TRPM6: variants seen among roughly 807,000 people sequenced by gnomAD.
TRPM6 encodes channel kinase 2.
A neutral mutation model predicts 247.6 loss-of-function variants in TRPM6; 111 were observed. That is an observed-to-expected ratio of 0.45 (90% CI 0.38 to 0.52). The LOEUF is 0.52. Ranked by LOEUF, TRPM6 falls within the 20% of genes least tolerant of loss-of-function variation. The pLI, the probability that TRPM6 is intolerant of heterozygous loss-of-function variation, is 0.00. For synonymous variants in TRPM6, 892 were observed against 853.8 expected (o/e 1.04, Z -0.78); for missense variants, 2,126 against 2,421.5 (o/e 0.88, Z 2.56).
intron 13 of TRPM6, among the ~76,000 whole-genome samples, chr9:74,809,364 G>A (rs1018115421): frequency 6.6e-6 from 1 of 152,094 alleles, no homozygotes; most frequent in African/African-American, 2.4e-5. Context: ...ATTTTTAAAG[G>A]CACACAGAGT....
chr9:74,825,293 C>A (rs1829293300), intron 7 of TRPM6, among the ~76,000 whole-genome samples: 1 of 151,936 alleles, frequency 6.6e-6, no homozygotes, highest in Non-Finnish European at 1.5e-5. Context: ...ATAAATCAAC[C>A]ACTAGTTAAG....
intron 1 of TRPM6, among the ~76,000 whole-genome samples, chr9:74,875,460 T>A (rs1831167184): frequency 6.6e-6 from 1 of 151,994 alleles, no homozygotes; most frequent in African/African-American, 2.4e-5. Context: ...GGAGAATTGC[T>A]CAAACCTGGG....
In TRPM6 at chr9:74,724,630, C is replaced by T; in HGVS notation, c.6052G>A (p.Asp2018Asn). The change falls in exon 39 of 39, where the codon GAT (aspartate) becomes AAT (asparagine). Residue 2018 changes from aspartate (D) to asparagine (N), a missense_variant. Asp to Asn is a conservative substitution (Grantham distance 23). Transcript: ENST00000360774. ...ARETGRNSPEDDMQL is the reference protein window; with the variant it reads ...ARETGRNSPENDMQL The stretch of plus-strand genomic sequence containing the variant: ...CTCCCTTTTTATAGTTGCATATCAT[C>T]TTCTGGGGAATTTCTACCCGTCTCC... The T allele has an allele frequency of 6.2e-7, 1 of 1,614,194 alleles. No individual in the cohort carries two copies. Among genetic ancestry groups the T allele is most frequent in the Middle Eastern group, 1.7e-4 (1 of 6,056 alleles).
intron 11 of TRPM6, among the ~76,000 whole-genome samples, chr9:74,815,634 G>A (rs747675352): frequency 2.6e-5 from 4 of 152,288 alleles, no homozygotes; most frequent in South Asian, 2.1e-4. Flanking sequence ...CATTGCAGCC[G>A]TGAGGCCCAC....
At chr9:74,731,473 A>C (rs1476769141) in intron 37 of TRPM6, among the ~76,000 whole-genome samples, 3 of 151,838 alleles carry the variant, frequency 2.0e-5, no homozygotes, top group Non-Finnish European at 4.4e-5. Flanking sequence ...TAGGAATTAG[A>C]TGTGTATGTT....
chr9:74,766,448 C>A (rs1826826610), intron 25 of TRPM6, among the ~76,000 whole-genome samples: 1 of 152,136 alleles, frequency 6.6e-6, no homozygotes, highest in East Asian at 1.9e-4. Context: ...AGGCAAGATG[C>A]CTTAAAATGA....
At chr9:74,837,432 G>C (rs1253675106) in intron 5 of TRPM6, among the ~76,000 whole-genome samples, 1 of 151,942 alleles carries the variant, frequency 6.6e-6, no homozygotes, top group East Asian at 1.9e-4. Flanking sequence ...TAGCCTGATT[G>C]TTTTATGTTG....
At chr9:74,870,649 C>T (rs1401157071) in intron 1 of TRPM6, among the ~76,000 whole-genome samples, 4 of 152,180 alleles carry the variant, frequency 2.6e-5, no homozygotes, top group East Asian at 1.9e-4. Context: ...ACGGGCTGGG[C>T]GCAGTGGCTC....
intron 31 of TRPM6, among the ~76,000 whole-genome samples, chr9:74,744,969 C>A (rs1029774142): frequency 2.6e-5 from 4 of 152,148 alleles, no homozygotes; most frequent in African/African-American, 9.7e-5. Context: ...AAGACTGTTT[C>A]TTTCTGAAGT....
chr9:74,731,980 T>C (rs1234555028), intron 37 of TRPM6, among the ~76,000 whole-genome samples: 1 of 152,166 alleles, frequency 6.6e-6, no homozygotes, highest in Non-Finnish European at 1.5e-5. Context: ...GAACCATTTT[T>C]GCCAGCCATA....
rs35618857 is a variant in TRPM6 at position 74,739,387 on chromosome 9, T to G, written c.5550A>C (p.Gln1850His). 6.2e-7 allele frequency: 1 copy of G among 1,614,166 alleles called. No homozygotes were observed. Among genetic ancestry groups the G allele is most frequent in the Non-Finnish European group, 8.5e-7 (1 of 1,180,010 alleles). The change falls in exon 35 of 39, where the codon CAA becomes CAC. Residue 1850 changes from glutamine to histidine, a missense_variant. By Grantham distance (24) the Gln-to-His change is conservative (BLOSUM62 0). This residue lies in a region of TRPM6 where 327 missense variants were observed against 397.7 expected (regional missense o/e 0.82). Transcript: ENST00000360774. ...LIYTFNQVKP[Q>H]TIPYTPRFLE... The stretch of plus-strand genomic sequence containing the variant: ...CTTACCTTGGTGTGTAGGGTATGGT[T>G]TGTGGTTTCACTTGGTTGAAGGTAT...
chr9:74,775,587 C>G (rs145604601), intron 24 of TRPM6, among the ~76,000 whole-genome samples: 1 of 152,208 alleles, frequency 6.6e-6, no homozygotes, highest in South Asian at 2.1e-4. Flanking sequence ...ATGAGTTCTC[C>G]GGTCAGCAGA....
In TRPM6 at chr9:74,861,856, C is replaced by A. The variant is rs150669859; in HGVS notation, c.34-3108G>T. On this transcript the variant is annotated intron_variant, in intron 1 of 38. Coordinates refer to ENST00000360774, the MANE Select transcript of TRPM6 (RefSeq NM_017662.5). ...TTCCTCTCATACTATGATTTAATGA[C>A]CTTTACAGGCTCACATCTTCCCTGG... Among the ~76,000 whole-genome samples, 200 of 151,986 alleles carry A rather than the reference C, an allele frequency of 1.3e-3. No individual in the cohort carries two copies. The East Asian group carries it at 0.018, about 14-fold the overall frequency.
At chr9:74,779,534 T>C (rs942811772) in intron 23 of TRPM6, among the ~76,000 whole-genome samples, 2 of 152,182 alleles carry the variant, frequency 1.3e-5, no homozygotes, top group African/African-American at 4.8e-5. Flanking sequence ...TTGTTACTTG[T>C]TATATTTTCC....
At chr9:74,883,784 C>A (rs1280309288) in intron 1 of TRPM6, among the ~76,000 whole-genome samples, 1 of 152,094 alleles carries the variant, frequency 6.6e-6, no homozygotes, top group East Asian at 1.9e-4. Flanking sequence ...GTAAGAGGAT[C>A]CTTTGAGCTC....
At chr9:74,829,562 T>C (rs764223344) in intron 6 of TRPM6, among the ~76,000 whole-genome samples, 1 of 152,164 alleles carries the variant, frequency 6.6e-6, no homozygotes, top group Non-Finnish European at 1.5e-5. Flanking sequence ...ATGATGATAC[T>C]GATAATTTTT....
chr9:74,833,455 T>C (rs1392567477), intron 6 of TRPM6, among the ~76,000 whole-genome samples: 2 of 152,240 alleles, frequency 1.3e-5, no homozygotes, highest in African/African-American at 2.4e-5. Context: ...AAATTAAGAA[T>C]GTCCCTTGTT....
At chr9:74,855,657 A>G (rs1435953541) in intron 2 of TRPM6, 92 bp from the exon 3 acceptor site, 2 of 885,616 alleles carry the variant, frequency 2.3e-6, no homozygotes, top group African/African-American at 1.6e-5. Flanking sequence ...ATTTTCCATG[A>G]TCTAGAAATC....
chr9:74,801,975 G>C lies in TRPM6; in HGVS notation c.1932C>G (p.Leu644=). ...TAGCTTCATGGGCCATTGCCCGGTA[G>C]AGGATACACGCAATCACGGCTTTAA... ...ATVKAVIACI[L]YRAMAHEAKE... The change falls in exon 16 of 39, where the codon CTC becomes CTG. Residue 644 remains leucine (L), a synonymous_variant. Transcript: ENST00000360774. The C allele has an allele frequency of 6.2e-7, 1 of 1,614,226 alleles. No homozygotes were observed. Among genetic ancestry groups the C allele is most frequent in the Non-Finnish European group, 8.5e-7 (1 of 1,180,040 alleles).
Sources: allele counts gnomAD v4.1 joint callset (sites outside exome capture counted in the v4.1 genomes callset), GRCh38; gene constraint gnomAD v4.1.1; regional missense constraint gnomAD v4.1.1; transcripts MANE v1.5; gene names NCBI Gene and HGNC (gene_info 2026-07-23, HGNC 2026-07-21).